The following SCAMP1 variants were observed in gnomAD, a reference collection of about 807,000 sequenced individuals.
SCAMP1 encodes the protein secretory carrier-associated membrane protein 1.
In SCAMP1, 15 loss-of-function variants were observed where a neutral mutation model predicts 41.8. That is an observed-to-expected ratio of 0.36 (90% CI 0.24 to 0.55). SCAMP1 has a LOEUF of 0.55. Among genes scored for constraint, SCAMP1 ranks in the 20% least tolerant of loss-of-function variants. The probability of loss-of-function intolerance (pLI) is 0.86; values close to 1 mark genes in which losing one functional copy is unlikely to be tolerated. For synonymous variants in SCAMP1, 135 were observed against 136.8 expected, an observed-to-expected ratio of 0.99 and a Z score of 0.09; for missense variants, 341 against 412.6, an observed-to-expected ratio of 0.83 and a Z score of 1.50.
At chr5:78,442,051 C>T (rs561618096) in intron 6 of SCAMP1, among the ~76,000 whole-genome samples, 1 of 152,190 alleles carries the variant, frequency 6.6e-6, no homozygotes, top group South Asian at 2.1e-4. Context: ...ATTGATTGAG[C>T]CCAAGAGGTT....
At chr5:78,447,092 G>A (rs1753069500) in intron 6 of SCAMP1, among the ~76,000 whole-genome samples, 1 of 152,204 alleles carries the variant, frequency 6.6e-6, no homozygotes, top group South Asian at 2.1e-4. Context: ...AAGGATCTAG[G>A]TTGCATGCTC....
At chr5:78,462,745 A>T (rs1024513866) in intron 8 of SCAMP1, among the ~76,000 whole-genome samples, 2 of 148,734 alleles carry the variant, frequency 1.3e-5, no homozygotes, top group Admixed American at 6.7e-5. Context: ...TCACAGCTTT[A>T]AAAAAAAAAT....
At chr5:78,464,143 AT>A (rs61610232) in intron 8 of SCAMP1, among the ~76,000 whole-genome samples, 122,294 of 149,072 alleles carry the variant, frequency 0.82, 50,713 homozygotes, top group East Asian at 0.92. Context: ...ACACTCAGCT[AT>A]TTTTTTTTTT....
Position 78,397,838 on chromosome 5 carries a change from C to A in SCAMP1, c.135+8924C>A, listed in dbSNP as rs75094795. 4.6e-3 allele frequency among the ~76,000 whole-genome samples: 700 copies of A among 152,224 alleles called. 2 individuals are homozygous for A. Among genetic ancestry groups the A allele is most frequent in the Admixed American group, 0.011 (173 of 15,298 alleles). The stretch of plus-strand genomic sequence containing the variant: ...CCTTAGAAGATAAATGGCCAATAAG[C>A]AGGTGAAAAAATGTTCAACATTGTT... On this transcript the variant is annotated intron_variant, in intron 2 of 8. Transcript: ENST00000621999.
chr5:78,367,211 T>C (rs888379689), intron 1 of SCAMP1, among the ~76,000 whole-genome samples: 4 of 152,252 alleles, frequency 2.6e-5, no homozygotes, highest in African/African-American at 9.6e-5. Context: ...TGCCATCCTT[T>C]GTAAGATGCA....
intron 1 of SCAMP1, among the ~76,000 whole-genome samples, chr5:78,371,262 A>G (rs1433415481): frequency 1.3e-5 from 2 of 152,126 alleles, no homozygotes; most frequent in Admixed American, 6.5e-5. Flanking sequence ...GTTTATCCCT[A>G]TGTTTTCTTC....
intron 1 of SCAMP1, among the ~76,000 whole-genome samples, chr5:78,384,956 C>A (rs1477796938): frequency 1.3e-5 from 2 of 152,096 alleles, no homozygotes; most frequent in African/African-American, 4.8e-5. Context: ...TAGGGTGATA[C>A]TGGCTTCATA....
chr5:78,457,775 T>G (rs1236908512), intron 7 of SCAMP1: 1 of 158,794 alleles, frequency 6.3e-6, no homozygotes, highest in African/African-American at 2.4e-5. Context: ...TGGGCGCCCC[T>G]CCCCCAGCCT....
intron 2 of SCAMP1, among the ~76,000 whole-genome samples, chr5:78,414,625 C>T (rs1023838401): frequency 2.6e-5 from 4 of 152,250 alleles, no homozygotes; most frequent in East Asian, 3.9e-4. Context: ...ATTCTTCTAT[C>T]GCTAATTTAT....
At chr5:78,431,152 A>G (rs1034287769) in intron 6 of SCAMP1, among the ~76,000 whole-genome samples, 1 of 152,070 alleles carries the variant, frequency 6.6e-6, no homozygotes, top group Admixed American at 6.6e-5. Context: ...CCATATAGAT[A>G]TAACATTGCT....
intron 6 of SCAMP1, among the ~76,000 whole-genome samples, chr5:78,438,911 A>G (rs1752842004): frequency 6.6e-6 from 1 of 152,174 alleles, no homozygotes. Context: ...GATTGAGTGC[A>G]TATATATTTA....
chr5:78,437,364 T>G (rs1406628966), intron 6 of SCAMP1, among the ~76,000 whole-genome samples: 1 of 152,076 alleles, frequency 6.6e-6, no homozygotes, highest in Non-Finnish European at 1.5e-5. Context: ...ATAAATAGCT[T>G]TTATTATTTT....
chr5:78,467,481 A>G (rs1753776164), intron 8 of SCAMP1, among the ~76,000 whole-genome samples: 1 of 152,204 alleles, frequency 6.6e-6, no homozygotes, highest in Non-Finnish European at 1.5e-5. Context: ...ACAAAGGAAA[A>G]GTTATAGAAT....
chr5:78,416,567 T>G lies in SCAMP1; in HGVS notation c.261T>G (p.Leu87=). Residue 87 remains leucine (L), a synonymous_variant, in exon 4 of 9, where the codon CTT becomes CTG. Coordinates refer to ENST00000621999, the MANE Select transcript of SCAMP1 (RefSeq NM_004866.6). ...AACATGCATTGGCCCAAGCTGAACTTCTTAAGCGCCAGGAAGAACTAGAAA... is the reference window on the plus strand; with the variant it reads ...AACATGCATTGGCCCAAGCTGAACTGCTTAAGCGCCAGGAAGAACTAGAAA... ...AKEHALAQAE[L]LKRQEELERK... 6.3e-7 allele frequency: 1 copy of G among 1,598,282 alleles called. No individual in the cohort carries two copies. The highest frequency in any genetic ancestry group is 8.5e-7 in the Non-Finnish European group (1 of 1,172,064).
In SCAMP1 at chr5:78,475,678, A is replaced by G. The variant is rs1403362370; in HGVS notation, c.*10A>G. ...GGGTAACCAGATTTAAGAATCTTCA[A>G]ACAATACACTGTTACCTTTTGACTG... On this transcript the variant is annotated 3_prime_UTR_variant, in exon 9 of 9. Transcript: ENST00000621999. 5.3e-6 allele frequency: 8 copies of G among 1,513,954 alleles called. No homozygotes were observed. Among genetic ancestry groups the G allele is most frequent in the Non-Finnish European group, 7.1e-6 (8 of 1,131,834 alleles). 93.8% of individuals were successfully genotyped at this position (1,513,954 alleles called of 1,614,324 possible). A position where few individuals can be genotyped will look rare whatever the true frequency, so the allele number is the denominator to read the frequency against.
chr5:78,451,694 A>G (rs927318390), intron 7 of SCAMP1, among the ~76,000 whole-genome samples: 6 of 152,084 alleles, frequency 3.9e-5, no homozygotes, highest in South Asian at 2.1e-4. Context: ...GTCTCGCCCT[A>G]TCACCCAGGC....
intron 6 of SCAMP1, among the ~76,000 whole-genome samples, chr5:78,438,627 C>A (rs1049657300): frequency 5.9e-5 from 9 of 152,180 alleles, no homozygotes; most frequent in African/African-American, 2.2e-4. Flanking sequence ...GAGTGCTTTA[C>A]TTCCAATTCT....
intron 2 of SCAMP1, among the ~76,000 whole-genome samples, chr5:78,400,505 A>G (rs1751771007): frequency 6.6e-6 from 1 of 152,180 alleles, no homozygotes; most frequent in South Asian, 2.1e-4. Context: ...TGATCATGGA[A>G]TATCTTTTAT....
chr5:78,379,410 A>G (rs1561252312), intron 1 of SCAMP1, among the ~76,000 whole-genome samples: 1 of 152,256 alleles, frequency 6.6e-6, no homozygotes, highest in African/African-American at 2.4e-5. Flanking sequence ...TGAAACATTA[A>G]TTATGTAATA....
Sources: allele counts gnomAD v4.1 joint callset (sites outside exome capture counted in the v4.1 genomes callset), GRCh38; gene constraint gnomAD v4.1.1; transcripts MANE v1.5; gene names NCBI Gene and HGNC (gene_info 2026-07-23, HGNC 2026-07-21).